The following RALYL variants were observed in gnomAD, a reference collection of about 807,000 sequenced individuals.
RALYL encodes RNA-binding Raly-like protein.
Under a neutral mutation model 35.1 loss-of-function variants are expected in RALYL, and 29 were observed. The observed-to-expected ratio is 0.83, with a 90% CI of 0.61 to 1.13. The LOEUF (loss-of-function observed/expected upper bound fraction) is 1.13. Among genes scored for constraint, RALYL ranks in the 50% most tolerant of loss-of-function variants. The pLI is 0.00. For synonymous variants in RALYL, 120 were observed against 127.6 expected (o/e 0.94, Z 0.40); for missense variants, 359 against 360.4 (o/e 1.00, Z 0.03).
intron 1 of RALYL, among the ~76,000 whole-genome samples, chr8:84,397,814 C>T (rs777576780): frequency 1.3e-5 from 2 of 152,182 alleles, no homozygotes; most frequent in Non-Finnish European, 2.9e-5. Context: ...ACTGCACCTC[C>T]TGTTTTCTGG....
intron 1 of RALYL, among the ~76,000 whole-genome samples, chr8:84,338,527 T>C (rs1171771876): frequency 6.6e-6 from 1 of 151,632 alleles, no homozygotes; most frequent in Admixed American, 6.6e-5. Context: ...ACCCAACTCA[T>C]TCTTTGGGGA....
intron 2 of RALYL, among the ~76,000 whole-genome samples, chr8:84,631,289 A>G (rs1823851411): frequency 6.6e-6 from 1 of 151,976 alleles, no homozygotes; most frequent in Non-Finnish European, 1.5e-5. Flanking sequence ...TGTTCTCTTA[A>G]GGTGACTCCC....
At chr8:84,689,895 T>C (rs536571057) in intron 2 of RALYL, among the ~76,000 whole-genome samples, 19 of 152,202 alleles carry the variant, frequency 1.2e-4, no homozygotes, top group African/African-American at 4.6e-4. Flanking sequence ...AGATAGCAAG[T>C]GTCATCAAGT....
At chr8:84,773,427 T>C (rs1816046942) in intron 2 of RALYL, among the ~76,000 whole-genome samples, 3 of 152,212 alleles carry the variant, frequency 2.0e-5, no homozygotes, top group South Asian at 4.1e-4. Context: ...ACATCTCCTT[T>C]AGATTTCCCT....
intron 4 of RALYL, among the ~76,000 whole-genome samples, chr8:84,848,666 T>C (rs1432148279): frequency 1.1e-4 from 16 of 152,148 alleles, no homozygotes; most frequent in Non-Finnish European, 5.9e-5. Context: ...GTTTAATGAG[T>C]ATAAAGTTTC....
At chr8:84,804,701 A>C in intron 3 of RALYL, 69 bp from the exon 4 acceptor site, 2 of 779,314 alleles carry the variant, frequency 2.6e-6, no homozygotes, top group Non-Finnish European at 3.6e-6. Flanking sequence ...TGTCAGGTTC[A>C]TGTAAAAGCA....
At chr8:84,316,086 T>C (rs550621109) in intron 1 of RALYL, among the ~76,000 whole-genome samples, 125 of 152,202 alleles carry the variant, frequency 8.2e-4, no homozygotes, top group South Asian at 2.7e-3. Flanking sequence ...TTCAGATAAT[T>C]TTATATTTGG....
intron 2 of RALYL, among the ~76,000 whole-genome samples, chr8:84,558,693 A>G (rs1192883613): frequency 6.6e-6 from 1 of 152,084 alleles, no homozygotes; most frequent in Non-Finnish European, 1.5e-5. Context: ...TGAATTTAAA[A>G]TTTCTGGTCG....
At chr8:84,562,158 T>A (rs1035859074) in intron 2 of RALYL, among the ~76,000 whole-genome samples, 1 of 151,948 alleles carries the variant, frequency 6.6e-6, no homozygotes, top group Admixed American at 6.6e-5. Context: ...CCAAAATACT[T>A]GCTGTAAAAT....
chr8:84,781,419 A>C (rs1818143741), intron 3 of RALYL, among the ~76,000 whole-genome samples: 1 of 152,224 alleles, frequency 6.6e-6, no homozygotes, highest in Non-Finnish European at 1.5e-5. Context: ...GCTAGGCTAA[A>C]GAATGGCCTA....
chr8:84,862,634 T>G (rs573360519), intron 6 of RALYL, among the ~76,000 whole-genome samples, 181 bp downstream of exon 6: 1 of 152,272 alleles, frequency 6.6e-6, no homozygotes, highest in South Asian at 2.1e-4. Context: ...TGTGTTGCAG[T>G]AGGGGAGACA....
At chr8:84,487,605 T>G (rs984270484) in intron 1 of RALYL, among the ~76,000 whole-genome samples, 5 of 152,100 alleles carry the variant, frequency 3.3e-5, no homozygotes, top group Admixed American at 2.6e-4. Flanking sequence ...TCTGTAAGTT[T>G]TATTGGAAAA....
At chr8:84,788,070 GT>G (rs762451681) in intron 3 of RALYL, among the ~76,000 whole-genome samples, 3 of 152,158 alleles carry the variant, frequency 2.0e-5, no homozygotes, top group Non-Finnish European at 4.4e-5. Flanking sequence ...TGCTTTTGGT[GT>G]TTTAATCATG....
At chr8:84,316,019 T>C (rs1843687408) in intron 1 of RALYL, among the ~76,000 whole-genome samples, 1 of 152,116 alleles carries the variant, frequency 6.6e-6, no homozygotes, top group Admixed American at 6.6e-5. Context: ...ATGTAACACT[T>C]TGTAAAATTA....
chr8:84,591,103 A>T (rs1220182425), intron 2 of RALYL, among the ~76,000 whole-genome samples: 1 of 152,212 alleles, frequency 6.6e-6, no homozygotes, highest in Non-Finnish European at 1.5e-5. Context: ...TTAATACAGG[A>T]TAGTATTTTT....
intron 4 of RALYL, among the ~76,000 whole-genome samples, chr8:84,841,779 C>T (rs926004980): frequency 1.6e-4 from 25 of 152,346 alleles, no homozygotes; most frequent in African/African-American, 5.8e-4. Flanking sequence ...TCTCAGACCA[C>T]AGTGCAATCA....
At chr8:84,670,117 G>A (rs1832919160) in intron 2 of RALYL, among the ~76,000 whole-genome samples, 1 of 149,592 alleles carries the variant, frequency 6.7e-6, no homozygotes, top group African/African-American at 2.5e-5. Flanking sequence ...ACTATTTCCT[G>A]CTGAAAAAAA....
chr8:84,447,375 T>TGATAC (rs2133104227), intron 1 of RALYL, among the ~76,000 whole-genome samples: 1 of 152,140 alleles, frequency 6.6e-6, no homozygotes, highest in South Asian at 2.1e-4. Flanking sequence ...CTGTTTTGGG[T>TGATAC]GATACCTAAA....
At chr8:84,542,820 G>A (rs2060108669) in intron 2 of RALYL, among the ~76,000 whole-genome samples, 1 of 151,992 alleles carries the variant, frequency 6.6e-6, no homozygotes. Context: ...AGTAACAATC[G>A]TGTTTTCACA....
Sources: gnomAD v4.1 joint callset for allele counts (sites outside exome capture counted in the v4.1 genomes callset) on GRCh38, gnomAD v4.1.1 for gene constraint, MANE v1.5 for transcripts, NCBI Gene and HGNC (gene_info 2026-07-23, HGNC 2026-07-21) for gene names.